Variants in VPS41 observed in about 807,000 individuals in gnomAD.
The protein encoded by VPS41 is vacuolar protein sorting-associated protein 41 homolog.
In VPS41, 85 loss-of-function variants were observed where a neutral mutation model predicts 130.9. The observed-to-expected ratio is 0.65, with a 90% CI of 0.55 to 0.78. The LOEUF is 0.78. Ranked by LOEUF, VPS41 falls within the 30% of genes least tolerant of loss-of-function variation. VPS41 has a pLI of 0.00. For synonymous variants in VPS41, 335 were observed against 332.9 expected, an observed-to-expected ratio of 1.01 and a Z score of -0.07; for missense variants, 874 against 1,018.7, an observed-to-expected ratio of 0.86 and a Z score of 1.93.
At chr7:38,741,044 T>A (rs1483855590) in intron 25 of VPS41, among the ~76,000 whole-genome samples, 2 of 152,180 alleles carry the variant, frequency 1.3e-5, no homozygotes, top group Non-Finnish European at 2.9e-5. Context: ...CCAATGTTCC[T>A]GCAATATCTT....
intron 4 of VPS41, among the ~76,000 whole-genome samples, chr7:38,854,324 G>C (rs1473773290): frequency 1.3e-5 from 2 of 152,112 alleles, no homozygotes; most frequent in Non-Finnish European, 2.9e-5. Context: ...TACTACAGAT[G>C]GTATTTGCTT....
intron 7 of VPS41, among the ~76,000 whole-genome samples, chr7:38,799,670 C>A (rs1189491053): frequency 1.3e-5 from 2 of 151,828 alleles, no homozygotes; most frequent in Non-Finnish European, 2.9e-5. Context: ...CCAAAAAAAT[C>A]CAAAGGGATT....
At chr7:38,754,669 A>T (rs772117754) in intron 21 of VPS41, 33 bp downstream of exon 21, 1 of 1,601,918 alleles carries the variant, frequency 6.2e-7, no homozygotes, top group African/African-American at 1.3e-5. Flanking sequence ...CTGGTCAATC[A>T]AAAGGGCAAA....
chr7:38,731,848 T>C (rs947828818), intron 25 of VPS41, among the ~76,000 whole-genome samples: 34 of 152,292 alleles, frequency 2.2e-4, no homozygotes, highest in African/African-American at 8.2e-4. Context: ...AATCTGTTGA[T>C]ATTTTCCCAC....
At chr7:38,801,250 C>G (rs1248364204) in intron 7 of VPS41, among the ~76,000 whole-genome samples, 1 of 152,178 alleles carries the variant, frequency 6.6e-6, no homozygotes, top group Non-Finnish European at 1.5e-5. Context: ...ATTAAAAGAG[C>G]AAAGAAGCTT....
intron 4 of VPS41, among the ~76,000 whole-genome samples, chr7:38,850,079 C>T (rs775102935): frequency 1.3e-5 from 2 of 152,150 alleles, no homozygotes; most frequent in Non-Finnish European, 2.9e-5. Flanking sequence ...AAGATAAGCC[C>T]ACAGACTAGC....
At chr7:38,902,475 A>T (rs906495692) in intron 1 of VPS41, among the ~76,000 whole-genome samples, 2 of 152,102 alleles carry the variant, frequency 1.3e-5, no homozygotes, top group African/African-American at 4.8e-5. Context: ...TGGTGTTTTT[A>T]AAAAAGCTTC....
At chr7:38,771,281 A>C in intron 13 of VPS41, 27 bp from the exon 14 acceptor site, 1 of 552,370 alleles carries the variant, frequency 1.8e-6, no homozygotes, top group South Asian at 2.6e-5. Flanking sequence ...AGGATGATTT[A>C]AAAAAAAAAA....
intron 10 of VPS41, among the ~76,000 whole-genome samples, chr7:38,788,496 G>A (rs1361763758): frequency 2.0e-5 from 3 of 152,158 alleles, no homozygotes; most frequent in Non-Finnish European, 4.4e-5. Context: ...ATCAGCTAAG[G>A]AAAGAAGATG....
chr7:38,799,977 C>T (rs1024723529), intron 7 of VPS41, among the ~76,000 whole-genome samples: 1 of 151,972 alleles, frequency 6.6e-6, no homozygotes, highest in Non-Finnish European at 1.5e-5. Context: ...TACTGAACTG[C>T]GGTCTTGGAC....
chr7:38,771,456 A>C (rs1162378919), intron 13 of VPS41, among the ~76,000 whole-genome samples: 1 of 152,206 alleles, frequency 6.6e-6, no homozygotes, highest in African/African-American at 2.4e-5. Flanking sequence ...CTATGGTTGA[A>C]TGAACCTCAC....
chr7:38,801,735 GA>G (rs780694953), intron 7 of VPS41, among the ~76,000 whole-genome samples: 3 of 152,096 alleles, frequency 2.0e-5, no homozygotes, highest in Non-Finnish European at 2.9e-5. Context: ...TGGGGAAAAG[GA>G]TCATATCTTA....
chr7:38,830,270 C>G lies in VPS41; in HGVS notation c.305G>C (p.Cys102Ser). The G allele has an allele frequency of 6.2e-7, 1 of 1,612,606 alleles. No homozygotes were observed. The highest frequency in any genetic ancestry group is 8.5e-7 in the Non-Finnish European group (1 of 1,178,562). Reference protein sequence around the residue: ...LDESGEHMGVCSEDGKVQVFG... With the variant: ...LDESGEHMGVSSEDGKVQVFG... ...TTGCCATACCTTGCCATCCTCTGAA[C>G]ACACACCCATGTGCTCTCCACTTTC... Residue 102 changes from cysteine to serine, a missense_variant, in exon 5 of 29, where the codon TGT (cysteine) becomes TCT (serine). Coordinates refer to ENST00000310301, the MANE Select transcript of VPS41 (RefSeq NM_014396.4).
chr7:38,764,872 C>T (rs1169234735), intron 16 of VPS41, among the ~76,000 whole-genome samples: 1 of 152,042 alleles, frequency 6.6e-6, no homozygotes, highest in Non-Finnish European at 1.5e-5. Context: ...CCAAGTTACA[C>T]AGCCATTAAA....
Position 38,754,889 on chromosome 7 carries a change from A to G in VPS41, c.1737+6T>C. 1 of 1,613,212 alleles carries G rather than the reference A, an allele frequency of 6.2e-7. No homozygotes were observed. Reference sequence around the variant, plus strand: ...GGTAACACATATAAAAACAAATGACACTCACTGAAATTTTATCTTCATTGT... The same window carrying G: ...GGTAACACATATAAAAACAAATGACGCTCACTGAAATTTTATCTTCATTGT... On this transcript the variant is annotated splice_donor_region_variant and intron_variant, in intron 20 of 28. Coordinates refer to ENST00000310301, the MANE Select transcript of VPS41 (RefSeq NM_014396.4).
At chr7:38,776,634 A>T in intron 11 of VPS41, 45 bp downstream of exon 11, 1 of 1,117,578 alleles carries the variant, frequency 8.9e-7, no homozygotes, top group Non-Finnish European at 1.4e-6. Flanking sequence ...GTAATGCTAA[A>T]AGTGAACCCC....
At chr7:38,885,706 T>G (rs986977583) in intron 2 of VPS41, among the ~76,000 whole-genome samples, 1 of 152,200 alleles carries the variant, frequency 6.6e-6, no homozygotes, top group Non-Finnish European at 1.5e-5. Context: ...AAATATTGTC[T>G]TGCATTAAAA....
At chr7:38,735,980 T>A (rs1245067923) in intron 25 of VPS41, among the ~76,000 whole-genome samples, 3 of 152,124 alleles carry the variant, frequency 2.0e-5, no homozygotes, top group African/African-American at 7.2e-5. Context: ...TAAATAAATG[T>A]CATTTTTGAG....
intron 15 of VPS41, 34 bp downstream of exon 15, chr7:38,767,503 T>C (rs764866102): frequency 5.4e-6 from 8 of 1,491,356 alleles, no homozygotes; most frequent in Admixed American, 1.8e-5. Context: ...ATTCTATTTA[T>C]ATTAACAAAT....
Sources: gnomAD v4.1 joint callset for allele counts (sites outside exome capture counted in the v4.1 genomes callset) on GRCh38, gnomAD v4.1.1 for gene constraint, MANE v1.5 for transcripts, NCBI Gene and HGNC (gene_info 2026-07-23, HGNC 2026-07-21) for gene names.